The following RASGRP3 variants were observed in gnomAD, a reference collection of about 807,000 sequenced individuals.
RASGRP3 encodes the protein ras guanyl-releasing protein 3.
In RASGRP3, 54 loss-of-function variants were observed where a neutral mutation model predicts 82.7. That is an observed-to-expected ratio of 0.65 (90% CI 0.52 to 0.82). RASGRP3 has a LOEUF of 0.82. Ranked by LOEUF, RASGRP3 falls within the 40% of genes least tolerant of loss-of-function variation. The pLI is 0.00. For synonymous variants in RASGRP3, 309 were observed against 300.5 expected (o/e 1.03, Z -0.29); for missense variants, 861 against 828.9 (o/e 1.04, Z -0.48).
At position 33,520,637 on chromosome 2, in the gene RASGRP3, T is replaced by C; in HGVS notation, c.321T>C (p.Ser107=). Residue 107 remains serine, a synonymous_variant, in exon 6 of 18, where the codon AGT becomes AGC. Coordinates refer to ENST00000403687, the MANE Select transcript of RASGRP3 (RefSeq NM_001139488.2). ...RMTEEFREVA[S]QLGYEKHVSL... is the part of the protein sequence containing the mutation. ...CTGAGGAATTTCGGGAAGTAGCTAG[T>C]CAACTAGGATATGAAAAACACGTCA... is the stretch of plus-strand genomic sequence containing the variant. 1 of 1,614,026 alleles carries C rather than the reference T, an allele frequency of 6.2e-7. No homozygotes were observed. Among genetic ancestry groups the C allele is most frequent in the Non-Finnish European group, 8.5e-7 (1 of 1,179,874 alleles).
At chr2:33,466,402 G>A (rs975061722) in intron 2 of RASGRP3, among the ~76,000 whole-genome samples, 1 of 152,004 alleles carries the variant, frequency 6.6e-6, no homozygotes, top group Non-Finnish European at 1.5e-5. Context: ...GAGGGGGCTG[G>A]GCATGGTGGC....
At chr2:33,441,611 G>T (rs1353264226) in intron 1 of RASGRP3, among the ~76,000 whole-genome samples, 1 of 152,200 alleles carries the variant, frequency 6.6e-6, no homozygotes, top group Non-Finnish European at 1.5e-5. Context: ...ATTTTGAATA[G>T]AACAGTTTTA....
intron 10 of RASGRP3, among the ~76,000 whole-genome samples, chr2:33,529,366 G>A (rs1672878809): frequency 6.6e-6 from 1 of 151,196 alleles, no homozygotes; most frequent in Non-Finnish European, 1.5e-5. Flanking sequence ...GTGGTGGCAG[G>A]TGCCTGTAGT....
chr2:33,461,016 G>A (rs1330871801), intron 2 of RASGRP3, among the ~76,000 whole-genome samples: 1 of 152,152 alleles, frequency 6.6e-6, no homozygotes, highest in Admixed American at 6.6e-5. Flanking sequence ...ATGCTCCTCT[G>A]CATTGATTTC....
chr2:33,442,327 G>A (rs901899819), intron 1 of RASGRP3, among the ~76,000 whole-genome samples: 1 of 152,222 alleles, frequency 6.6e-6, no homozygotes, highest in Non-Finnish European at 1.5e-5. Context: ...TCGCGCCGCT[G>A]CACTCCAGCC....
intron 11 of RASGRP3, among the ~76,000 whole-genome samples, chr2:33,538,137 T>C (rs1176444404): frequency 2.6e-5 from 4 of 152,218 alleles, no homozygotes; most frequent in Non-Finnish European, 4.4e-5. Flanking sequence ...ATAAAAGTTT[T>C]AGTGATATTT....
Position 33,527,393 on chromosome 2 carries a change from A to T in RASGRP3, c.1064A>T (p.Asp355Val). 1 of 1,613,464 alleles carries T rather than the reference A, an allele frequency of 6.2e-7. No individual in the cohort carries two copies. Among genetic ancestry groups the T allele is most frequent in the South Asian group, 1.1e-5 (1 of 91,044 alleles). The change falls in exon 10 of 18, where the codon GAT becomes GTT. Residue 355 changes from aspartate to valine, a missense_variant. Physicochemically the swap from Asp to Val is radical, Grantham distance 152. Transcript: ENST00000403687. ...NASHHLEPNM[D>V]LINLLTLSLD... ...TCTCACCACTTAGAACCCAACATGG[A>T]TTTGATCAACCTGCTCACGGTGAGT... is the stretch of plus-strand genomic sequence containing the variant.
chr2:33,466,865 C>A (rs1187278386), intron 2 of RASGRP3, among the ~76,000 whole-genome samples: 3 of 152,080 alleles, frequency 2.0e-5, no homozygotes, highest in East Asian at 3.8e-4. Context: ...CTAAGTCATT[C>A]TGGGGAGGTA....
chr2:33,457,553 T>A (rs1666105761), intron 2 of RASGRP3, among the ~76,000 whole-genome samples: 1 of 152,232 alleles, frequency 6.6e-6, no homozygotes, highest in African/African-American at 2.4e-5. Context: ...TCGCCTCTTT[T>A]TTTTAGGTTC....
chr2:33,534,574 G>A (rs1673419693), intron 11 of RASGRP3, among the ~76,000 whole-genome samples, 174 bp downstream of exon 11: 1 of 151,998 alleles, frequency 6.6e-6, no homozygotes, highest in African/African-American at 2.4e-5. Context: ...TGTTGCCTGG[G>A]CTGGAGTGCA....
chr2:33,539,273 C>G, intron 12 of RASGRP3, 63 bp downstream of exon 12: 2 of 1,309,862 alleles, frequency 1.5e-6, no homozygotes, highest in Middle Eastern at 1.9e-4. Context: ...CCAGAATGTT[C>G]TGCGATTGTC....
intron 1 of RASGRP3, among the ~76,000 whole-genome samples, chr2:33,499,137 C>G (rs576536039): frequency 1.4e-3 from 218 of 152,252 alleles, no homozygotes; most frequent in Non-Finnish European, 1.8e-3. Flanking sequence ...CATTTCTGAC[C>G]TCTGTTCCTC....
rs568370168 is a variant in RASGRP3, at chr2:33,441,457, C to T, written c.-385+4866C>T. Among the ~76,000 whole-genome samples the T allele has an allele frequency of 1.4e-4, 22 of 152,312 alleles. No homozygotes were observed. The South Asian group carries it at 4.1e-3, about 29-fold the overall frequency. The stretch of plus-strand genomic sequence containing the variant: ...CAATACCAGAAAACAACGCTCAGCC[C>T]AGAGACAGCAGAGCCAGGCACTAGA... On this transcript the variant is annotated intron_variant, in intron 1 of 18. Coordinates refer to the RASGRP3 transcript ENST00000402538.
At chr2:33,527,085 GT>G in intron 9 of RASGRP3, 51 bp from the exon 10 acceptor site, 1 of 1,587,194 alleles carries the variant, frequency 6.3e-7, no homozygotes, top group Non-Finnish European at 8.6e-7. Flanking sequence ...GGGCCCGGGG[GT>G]GTGCAGGAGG....
chr2:33,561,469 A>G (rs1444574595), intron 17 of RASGRP3, among the ~76,000 whole-genome samples: 1 of 152,218 alleles, frequency 6.6e-6, no homozygotes, highest in Non-Finnish European at 1.5e-5. Flanking sequence ...TGAAATGCAT[A>G]TATATGGTAT....
chr2:33,453,020 AG>A (rs1386271581), intron 2 of RASGRP3, among the ~76,000 whole-genome samples: 5 of 152,168 alleles, frequency 3.3e-5, no homozygotes, highest in African/African-American at 7.2e-5. Context: ...CTTCCCCCAC[AG>A]GGAAGGTATC....
At chr2:33,457,463 A>T (rs1666100297) in intron 2 of RASGRP3, among the ~76,000 whole-genome samples, 1 of 152,176 alleles carries the variant, frequency 6.6e-6, no homozygotes, top group African/African-American at 2.4e-5. Flanking sequence ...CTGCATCAAG[A>T]CCATCTTTCC....
At chr2:33,479,814 T>C (rs1667730638) in intron 1 of RASGRP3, among the ~76,000 whole-genome samples, 1 of 152,138 alleles carries the variant, frequency 6.6e-6, no homozygotes, top group South Asian at 2.1e-4. Context: ...GTCATTTGGC[T>C]GTCCACATTC....
rs201894763 is a variant in RASGRP3, at chr2:33,520,535, A to G, written c.237-18A>G. The G allele has an allele frequency of 1.2e-6, 2 of 1,611,980 alleles. No individual in the cohort carries two copies. Among genetic ancestry groups the G allele is most frequent in the East Asian group, 2.2e-5 (1 of 44,848 alleles). On this transcript the variant is annotated intron_variant, in intron 5 of 17. Coordinates refer to ENST00000403687, the MANE Select transcript of RASGRP3 (RefSeq NM_001139488.2). ...ACTTGCAATCTTCCAGCTGCCAAAAATATTTGATGCCTTTCAGGTACTGGA... is the reference window on the plus strand; with the variant it reads ...ACTTGCAATCTTCCAGCTGCCAAAAGTATTTGATGCCTTTCAGGTACTGGA...
Sources: gnomAD v4.1 joint callset for allele counts (sites outside exome capture counted in the v4.1 genomes callset) on GRCh38, gnomAD v4.1.1 for gene constraint, MANE v1.5 for transcripts, NCBI Gene and HGNC (gene_info 2026-07-23, HGNC 2026-07-21) for gene names.